Variants in CYP2R1 observed in about 807,000 individuals in gnomAD.
CYP2R1 encodes vitamin D 25-hydroxylase.
In CYP2R1, 40 loss-of-function variants were observed where a neutral mutation model predicts 45.7. The observed-to-expected ratio is 0.87, with a 90% CI of 0.68 to 1.14. The LOEUF (loss-of-function observed/expected upper bound fraction) is 1.14, where lower values mean the gene tolerates loss of function less well. Among genes scored for constraint, CYP2R1 ranks in the 50% most tolerant of loss-of-function variants. The pLI, the probability that CYP2R1 is intolerant of heterozygous loss-of-function variation, is 0.00. For missense variants in CYP2R1, 605 were observed against 602.6 expected (o/e 1.00, Z -0.04); for synonymous variants, 234 against 219.3 (o/e 1.07, Z -0.59).
chr11:14,891,237 G>C, intron 1 of CYP2R1: 1 of 985,182 alleles, frequency 1.0e-6, no homozygotes, highest in Non-Finnish European at 1.2e-6. Context: ...GAGGAGCGAA[G>C]TACCGACCTC....
chr11:14,890,444 G>T (rs782372000), intron 1 of CYP2R1: 1 of 980,462 alleles, frequency 1.0e-6, no homozygotes, highest in East Asian at 1.1e-4. Context: ...TTATTATCTC[G>T]TCCAGCTTCC....
intron 1 of CYP2R1, among the ~76,000 whole-genome samples, chr11:14,888,080 C>A (rs1374365652): frequency 1.3e-5 from 2 of 152,136 alleles, no homozygotes; most frequent in East Asian, 3.9e-4. Context: ...TGTCTTTGTT[C>A]AGATGCTATC....
In CYP2R1 at chr11:14,886,082, T is replaced by C; in HGVS notation, c.226-165A>G. On this transcript the variant is annotated intron_variant, in intron 1 of 4. Transcript: ENST00000334636. The stretch of plus-strand genomic sequence containing the variant: ...CAATGTTCAGAGTGCCCTCCTTCTA[T>C]AAGGCATGCAAAACTGTGTGATTTC... 4.5e-6 allele frequency: 3 copies of C among 671,540 alleles called. No homozygotes were observed. In the East Asian group the frequency reaches 8.3e-5, roughly 19 times the overall value. The allele number at this position is 671,540 out of a possible 1,614,324, so 41.6% of individuals were successfully genotyped here.
intron 1 of CYP2R1, among the ~76,000 whole-genome samples, chr11:14,888,867 C>T (rs1333381376): frequency 6.6e-6 from 1 of 152,128 alleles, no homozygotes; most frequent in Non-Finnish European, 1.5e-5. Flanking sequence ...AGTCCATTAC[C>T]TGAAAATAAT....
intron 1 of CYP2R1, among the ~76,000 whole-genome samples, chr11:14,887,972 G>A (rs145737652): frequency 1.5e-4 from 23 of 152,250 alleles, no homozygotes; most frequent in Admixed American, 9.2e-4. Flanking sequence ...AATTCTCAAC[G>A]TGGCATTCTC....
In CYP2R1 at chr11:14,879,346, A is replaced by T. The variant is rs1555010998; in HGVS notation, c.1098T>A (p.His366Gln). ...CKMPYTEAVL[H>Q]EVLRFCNIVP... ...CTATATTACAGAATCTTAAAACTTC[A>T]TGCAAAACTGCCTCAGTATAAGGCA... is the stretch of plus-strand genomic sequence containing the variant. The change falls in exon 4 of 5, where the codon CAT becomes CAA. Residue 366 changes from histidine (H) to glutamine (Q), a missense_variant. Coordinates refer to ENST00000334636, the MANE Select transcript of CYP2R1 (RefSeq NM_024514.5). The T allele has an allele frequency of 6.2e-7, 1 of 1,612,556 alleles. No homozygotes were observed. The highest frequency in any genetic ancestry group is 2.2e-5 in the East Asian group (1 of 44,864).
intron 1 of CYP2R1, chr11:14,890,463 A>G: frequency 1.0e-6 from 1 of 981,430 alleles, no homozygotes; most frequent in Non-Finnish European, 1.2e-6. Context: ...CCCTTTAACA[A>G]CGTAAACTAT....
Position 14,885,932 on chromosome 11 carries a change from G to A in CYP2R1, c.226-15C>T. The stretch of plus-strand genomic sequence containing the variant: ...AAACTGAAGATCTTTGAGAAGAGAA[G>A]AAAAACAACATTTAAATGACAGCAT... On this transcript the variant is annotated splice_polypyrimidine_tract_variant and intron_variant, in intron 1 of 4. Coordinates refer to ENST00000334636, the MANE Select transcript of CYP2R1 (RefSeq NM_024514.5). 1 of 1,611,920 alleles carries A rather than the reference G, an allele frequency of 6.2e-7. No homozygotes were observed. The highest frequency in any genetic ancestry group is 1.3e-5 in the African/African-American group (1 of 74,974).
At chr11:14,881,474 T>C (rs1848385080) in intron 2 of CYP2R1, among the ~76,000 whole-genome samples, 1 of 152,128 alleles carries the variant, frequency 6.6e-6, no homozygotes, top group Non-Finnish European at 1.5e-5. Flanking sequence ...TTATGTAACA[T>C]GTACTTTACT....
intron 1 of CYP2R1, among the ~76,000 whole-genome samples, chr11:14,888,910 A>G (rs1385315705): frequency 1.3e-5 from 2 of 152,236 alleles, no homozygotes; most frequent in Non-Finnish European, 2.9e-5. Flanking sequence ...TTTCCTAGCC[A>G]GGGAATGCCT....
intron 1 of CYP2R1, 33 bp downstream of exon 1, chr11:14,891,948 G>T (rs1848874139): frequency 1.2e-6 from 2 of 1,605,058 alleles, no homozygotes; most frequent in Admixed American, 1.7e-5. Context: ...CAGCCTGGCG[G>T]CCCTCCCTGC....
intron 1 of CYP2R1, among the ~76,000 whole-genome samples, chr11:14,890,086 G>A (rs1230622581): frequency 6.6e-6 from 1 of 152,044 alleles, no homozygotes; most frequent in African/African-American, 2.4e-5. Context: ...CCGAGATGGC[G>A]TCACTGCACT....
Position 14,880,673 on chromosome 11 carries a change from C to G in CYP2R1, c.463G>C (p.Glu155Gln). 1 of 1,597,576 alleles carries G rather than the reference C, an allele frequency of 6.3e-7. No individual in the cohort carries two copies. The highest frequency in any genetic ancestry group is 8.5e-7 in the Non-Finnish European group (1 of 1,174,326). ...RYFGYGQKSF[E>Q]SKILEETKFF... is the part of the protein sequence containing the mutation. ...TTGGTTTCTTCCAAGATTTTAGATT[C>G]AAAAGACTTTTGGCCATATCCAAAA... is the stretch of plus-strand genomic sequence containing the variant. The change falls in exon 3 of 5, where the codon GAA (glutamate) becomes CAA (glutamine). Residue 155 changes from glutamate to glutamine, a missense_variant. Glu to Gln is a conservative substitution (Grantham distance 29, BLOSUM62 2). Coordinates refer to ENST00000334636, the MANE Select transcript of CYP2R1 (RefSeq NM_024514.5).
rs1458081880 is a variant in CYP2R1, at chr11:14,878,068, G to A, written c.*54C>T. On this transcript the variant is annotated 3_prime_UTR_variant, in exon 5 of 5. Transcript: ENST00000334636. ...ACACACATTGATTTGATTAAACCAA[G>A]TTCAGGGATAAGGCAAATATACATT... 11 of 1,587,990 alleles carry A rather than the reference G, an allele frequency of 6.9e-6. No homozygotes were observed. Among genetic ancestry groups the A allele is most frequent in the African/African-American group, 2.7e-5 (2 of 74,034 alleles).
At position 14,879,160 on chromosome 11, in the gene CYP2R1, G is replaced by A. The variant is rs1325929754; in HGVS notation, c.1284C>T (p.Ser428=). The change falls in exon 4 of 5, where the codon AGC becomes AGT. Residue 428 remains serine (S), a synonymous_variant. Coordinates refer to ENST00000334636, the MANE Select transcript of CYP2R1 (RefSeq NM_024514.5). The part of the protein sequence containing the change: ...EVFHPERFLD[S]SGYFAKKEAL... ...CTTCCTTCTTGGCAAAATATCCACT[G>A]CTGTCCAGAAATCGCTCAGGATGGA... The A allele has an allele frequency of 6.2e-7, 1 of 1,613,056 alleles. No homozygotes were observed. The highest frequency in any genetic ancestry group is 1.3e-5 in the African/African-American group (1 of 74,850).
Position 14,879,151 on chromosome 11 carries a change from A to G in CYP2R1, c.1293T>C (p.Tyr431=). 1 of 1,613,226 alleles carries G rather than the reference A, an allele frequency of 6.2e-7. No homozygotes were observed. Among genetic ancestry groups the G allele is most frequent in the Non-Finnish European group, 8.5e-7 (1 of 1,179,486 alleles). The change falls in exon 4 of 5, where the codon TAT becomes TAC. Residue 431 remains tyrosine, a synonymous_variant. Coordinates refer to ENST00000334636, the MANE Select transcript of CYP2R1 (RefSeq NM_024514.5). The stretch of plus-strand genomic sequence containing the variant: ...GAACCAAAGCTTCCTTCTTGGCAAA[A>G]TATCCACTGCTGTCCAGAAATCGCT... ...HPERFLDSSG[Y]FAKKEALVPF...
At chr11:14,891,136 G>A in intron 1 of CYP2R1, 1 of 985,456 alleles carries the variant, frequency 1.0e-6, no homozygotes, top group Non-Finnish European at 1.2e-6. Context: ...GCCCCCTCCG[G>A]ACGTCGGGAC....
intron 1 of CYP2R1, chr11:14,887,720 C>T: frequency 1.3e-6 from 1 of 771,538 alleles, no homozygotes; most frequent in South Asian, 5.9e-5. Flanking sequence ...AATGACCACT[C>T]CATACATCCT....
At chr11:14,891,332 G>T in intron 1 of CYP2R1, 1 of 985,408 alleles carries the variant, frequency 1.0e-6, no homozygotes, top group Non-Finnish European at 1.2e-6. Context: ...ATCTGCTAAG[G>T]TGCCGTTCCC....
Sources: allele counts gnomAD v4.1 joint callset (sites outside exome capture counted in the v4.1 genomes callset), GRCh38; gene constraint gnomAD v4.1.1; transcripts MANE v1.5; gene names NCBI Gene and HGNC (gene_info 2026-07-23, HGNC 2026-07-21).